Variants in DDR2 observed in about 807,000 individuals in gnomAD.
The protein encoded by DDR2 is discoidin domain receptor tyrosine kinase 2.
A neutral mutation model predicts 94.9 loss-of-function variants in DDR2; 27 were observed. That is an observed-to-expected ratio of 0.28 (90% CI 0.21 to 0.39). The LOEUF is 0.39. Ranked by LOEUF, DDR2 falls within the 10% of genes least tolerant of loss-of-function variation. The pLI is 1.00. For missense variants in DDR2, 783 were observed against 1,076.0 expected, an observed-to-expected ratio of 0.73 and a Z score of 3.81; for synonymous variants, 382 against 377.2, an observed-to-expected ratio of 1.01 and a Z score of -0.15.
chr1:162,669,641 A>C (rs1348410556), intron 2 of DDR2, among the ~76,000 whole-genome samples: 1 of 152,264 alleles, frequency 6.6e-6, no homozygotes, highest in African/African-American at 2.4e-5. Flanking sequence ...TTAATTAATA[A>C]TTCAATAATA....
In DDR2 at chr1:162,744,384, G is replaced by A. The variant is rs77534375; in HGVS notation, c.83-8711G>A. 1.0e-3 allele frequency among the ~76,000 whole-genome samples: 159 copies of A among 152,150 alleles called. 6 individuals carry two copies. In the East Asian group the frequency reaches 0.024, roughly 23 times the overall value. On this transcript the variant is annotated intron_variant, in intron 3 of 17. Coordinates refer to ENST00000367921, the MANE Select transcript of DDR2 (RefSeq NM_006182.4). ...ATTTAGGCCATTTTTGATATGTAAC[G>A]TATGTGGAATCAGGCAATATTTACC... is the stretch of plus-strand genomic sequence containing the variant.
intron 3 of DDR2, among the ~76,000 whole-genome samples, chr1:162,750,278 C>G (rs7366668): frequency 6.6e-6 from 1 of 152,196 alleles, no homozygotes; most frequent in Non-Finnish European, 1.5e-5. Flanking sequence ...TTAAGCTGAT[C>G]AGCAACTTCA....
intron 2 of DDR2, among the ~76,000 whole-genome samples, chr1:162,661,038 A>T (rs1239932372): frequency 6.6e-6 from 1 of 152,190 alleles, no homozygotes; most frequent in Non-Finnish European, 1.5e-5. Context: ...CAAACTTCGC[A>T]AGCCCATCTG....
rs113968124 is a variant in DDR2, at chr1:162,638,083, C to T, written c.-192+5452C>T. Reference sequence around the variant, plus strand: ...TCACCCAGGCTGGAGTGCAATGGTGCGATCTTGGCTCACTGCACCCTCTGC... The same window carrying T: ...TCACCCAGGCTGGAGTGCAATGGTGTGATCTTGGCTCACTGCACCCTCTGC... On this transcript the variant is annotated intron_variant, in intron 1 of 17. Transcript: ENST00000367921. 1.4e-4 allele frequency among the ~76,000 whole-genome samples: 21 copies of T among 152,154 alleles called. No homozygotes were observed. In the East Asian group the frequency reaches 1.9e-3, roughly 14 times the overall value.
chr1:162,631,037 T>C (rs1656532582), upstream of DDR2, among the ~76,000 whole-genome samples: 1 of 152,164 alleles, frequency 6.6e-6, no homozygotes, highest in Admixed American at 6.5e-5. Flanking sequence ...ACCATTCCCA[T>C]GTTCTCCGTG....
chr1:162,756,146 G>T (rs1663455361), intron 7 of DDR2, among the ~76,000 whole-genome samples: 1 of 152,058 alleles, frequency 6.6e-6, no homozygotes, highest in Non-Finnish European at 1.5e-5. Flanking sequence ...TAATACTCTG[G>T]GCAAGTCAAG....
At position 162,776,132 on chromosome 1, in the gene DDR2, T is replaced by G. The variant is rs770476890; in HGVS notation, c.2049-4T>G. On this transcript the variant is annotated splice_region_variant and splice_polypyrimidine_tract_variant and intron_variant, in intron 15 of 17. Transcript: ENST00000367921. ...ACCTTCTGTCTTCTTGTCTATTTCC[T>G]CAGTTACACCAATCTGAAGTTTATG... is the stretch of plus-strand genomic sequence containing the variant. 18 of 1,610,774 alleles carry G rather than the reference T, an allele frequency of 1.1e-5. No homozygotes were observed. Among genetic ancestry groups the G allele is most frequent in the Non-Finnish European group, 1.5e-5 (18 of 1,177,278 alleles).
intron 1 of DDR2, among the ~76,000 whole-genome samples, chr1:162,639,071 T>G (rs1036983272): frequency 1.3e-5 from 2 of 152,170 alleles, no homozygotes; most frequent in African/African-American, 4.8e-5. Context: ...GTCCAAGTGA[T>G]TCTCCTGTCT....
intron 4 of DDR2, among the ~76,000 whole-genome samples, chr1:162,754,277 C>T (rs1478208188): frequency 6.6e-6 from 1 of 152,086 alleles, no homozygotes; most frequent in African/African-American, 2.4e-5. Context: ...CTTTGTTAGG[C>T]TGAGTTTGAA....
At chr1:162,711,467 G>A (rs1427734593) in intron 2 of DDR2, among the ~76,000 whole-genome samples, 1 of 152,182 alleles carries the variant, frequency 6.6e-6, no homozygotes, top group Non-Finnish European at 1.5e-5. Flanking sequence ...ATTTCTTAAA[G>A]TGGGATATAC....
At chr1:162,648,911 G>A (rs1657547450) in intron 1 of DDR2, among the ~76,000 whole-genome samples, 1 of 152,146 alleles carries the variant, frequency 6.6e-6, no homozygotes, top group Admixed American at 6.5e-5. Context: ...CTCAGTAGCT[G>A]TTTCACCCTT....
At chr1:162,774,655 A>AAAACC (rs1558080210) in intron 14 of DDR2, among the ~76,000 whole-genome samples, 2 of 152,216 alleles carry the variant, frequency 1.3e-5, no homozygotes, top group African/African-American at 4.8e-5. Flanking sequence ...GAGGGGAAAC[A>AAAACC]AAACCAAACC....
At chr1:162,705,643 A>T (rs1468831380) in intron 2 of DDR2, among the ~76,000 whole-genome samples, 1 of 152,050 alleles carries the variant, frequency 6.6e-6, no homozygotes, top group African/African-American at 2.4e-5. Flanking sequence ...CATTCATTCC[A>T]GCCTCGTTGT....
rs543220878 is a variant in DDR2 at position 162,652,706 on chromosome 1, A to G, written c.-191-2505A>G. 7.9e-5 allele frequency among the ~76,000 whole-genome samples: 12 copies of G among 152,326 alleles called. No individual in the cohort carries two copies. In the South Asian group the frequency reaches 1.4e-3, roughly 18 times the overall value. On this transcript the variant is annotated intron_variant, in intron 1 of 17. Transcript: ENST00000367921. ...AATTATGCATCCTCATAACTTTATC[A>G]CATAAGTATCATCTCTATTTTACAA...
rs1281550179 is a variant in DDR2, at chr1:162,741,236, A to G, written c.83-11859A>G. Among the ~76,000 whole-genome samples, 32 of 138,540 alleles carry G rather than the reference A, an allele frequency of 2.3e-4. 1 individual carries two copies. The highest frequency in any genetic ancestry group is 7.4e-4 in the African/African-American group (27 of 36,534). 90.9% of individuals were successfully genotyped at this position (138,540 alleles called of 152,430 possible). A position where few individuals can be genotyped will look rare whatever the true frequency, so the allele number is the denominator to read the frequency against. ...ATATAATATAATATAATATAATATA[A>G]TATAATATAGTATAATGTAATGTAA... is the stretch of plus-strand genomic sequence containing the variant. On this transcript the variant is annotated intron_variant, in intron 3 of 17. Transcript: ENST00000367921.
At chr1:162,776,090 T>C (rs1257119541) in intron 15 of DDR2, 46 bp from the exon 16 acceptor site, 1 of 1,531,482 alleles carries the variant, frequency 6.5e-7, no homozygotes. Flanking sequence ...TTTCACATCT[T>C]CCTGTTTCCA....
rs952948980 is a variant in DDR2 at position 162,782,425 on chromosome 1, T to C, written c.*2179T>C. ...GTAATAGTAACACATGCCATTTGTATTGTGCCTTAGGTTTACCAGGTGTTT... is the reference window on the plus strand; with the variant it reads ...GTAATAGTAACACATGCCATTTGTACTGTGCCTTAGGTTTACCAGGTGTTT... On this transcript the variant is annotated 3_prime_UTR_variant, in exon 18 of 18. Coordinates refer to ENST00000367921, the MANE Select transcript of DDR2 (RefSeq NM_006182.4). 1 of 152,212 alleles carries C rather than the reference T, an allele frequency of 6.6e-6. No homozygotes were observed. Among genetic ancestry groups the C allele is most frequent in the African/African-American group, 2.4e-5 (1 of 41,458 alleles). 9.4% of individuals were successfully genotyped at this position (152,212 alleles called of 1,614,324 possible).
intron 16 of DDR2, 122 bp from the exon 17 acceptor site, chr1:162,778,458 G>A: frequency 8.4e-7 from 1 of 1,195,288 alleles, no homozygotes; most frequent in Non-Finnish European, 1.2e-6. Context: ...TGCACATCTT[G>A]GCATTTTCAG....
At chr1:162,673,523 T>C (rs1441025277) in intron 2 of DDR2, among the ~76,000 whole-genome samples, 1 of 151,974 alleles carries the variant, frequency 6.6e-6, no homozygotes, top group Non-Finnish European at 1.5e-5. Flanking sequence ...TTTAGGCTCA[T>C]GGGGTTTGTA....
Sources: gnomAD v4.1 joint callset for allele counts (sites outside exome capture counted in the v4.1 genomes callset) on GRCh38, gnomAD v4.1.1 for gene constraint, MANE v1.5 for transcripts, NCBI Gene and HGNC (gene_info 2026-07-23, HGNC 2026-07-21) for gene names.